The following ADCYAP1R1 variants were observed in gnomAD, a reference collection of about 807,000 sequenced individuals.
The protein encoded by ADCYAP1R1 is ADCYAP receptor type I.
ADCYAP1R1 carries 44 observed loss-of-function variants against 67.6 expected under a neutral mutation model. The ratio of observed to expected loss-of-function variants is 0.65; its 90% CI spans 0.51 to 0.84. The LOEUF is 0.84. Ranked by LOEUF, ADCYAP1R1 falls within the 40% of genes least tolerant of loss-of-function variation. The pLI, the probability that ADCYAP1R1 is intolerant of heterozygous loss-of-function variation, is 0.00. For synonymous variants in ADCYAP1R1, 222 were observed against 219.6 expected, an observed-to-expected ratio of 1.01 and a Z score of -0.10; for missense variants, 477 against 587.9, an observed-to-expected ratio of 0.81 and a Z score of 1.95.
At position 31,095,624 on chromosome 7, in the gene ADCYAP1R1, A is replaced by T. The variant is rs1490269992; in HGVS notation, c.1046+2889A>T. ...GTGTGGGGCCAAGAAGCCCCTTCAG[A>T]TCTGCCCACAACAGCTCTCCGGTTT... On this transcript the variant is annotated intron_variant, in intron 13 of 15. Transcript: ENST00000304166. 7.0e-6 allele frequency: 5 copies of T among 717,186 alleles called. No homozygotes were observed. The Admixed American group carries it at 1.0e-4, about 14-fold the overall frequency. 44.4% of individuals were successfully genotyped at this position (717,186 alleles called of 1,614,324 possible). A position where few individuals can be genotyped will look rare whatever the true frequency, so the allele number is the denominator to read the frequency against.
At chr7:31,058,264 G>A (rs1191017291) in intron 1 of ADCYAP1R1, among the ~76,000 whole-genome samples, 2 of 152,178 alleles carry the variant, frequency 1.3e-5, no homozygotes, top group African/African-American at 2.4e-5. Context: ...CCCTCTGCAC[G>A]GAGATGTGGA....
chr7:31,106,475 C>T (rs375082223), intron 15 of ADCYAP1R1, 21 bp from the exon 16 acceptor site: 98 of 1,584,276 alleles, frequency 6.2e-5, no homozygotes, highest in African/African-American at 4.0e-4. Context: ...TGGAAGTGAC[C>T]GCCCAGTTTG....
At position 31,106,573 on chromosome 7, in the gene ADCYAP1R1, C is replaced by T; in HGVS notation, c.1296C>T (p.His432=). Residue 432 remains histidine, a synonymous_variant, in exon 16 of 16, where the codon CAC becomes CAT. Transcript: ENST00000304166. ...TCGCTGTGGACTTCAAGCACCGACACCCGTCTCTGGCCAGCAGTGGGGTGA... is the reference window on the plus strand; with the variant it reads ...TCGCTGTGGACTTCAAGCACCGACATCCGTCTCTGGCCAGCAGTGGGGTGA... ...RYFAVDFKHR[H]PSLASSGVNG... 1 of 1,614,084 alleles carries T rather than the reference C, an allele frequency of 6.2e-7. No homozygotes were observed. Among genetic ancestry groups the T allele is most frequent in the South Asian group, 1.1e-5 (1 of 91,080 alleles).
rs1794657459 is a variant in ADCYAP1R1, at chr7:31,064,708, G to A, written c.52-123G>A. 8 of 743,440 alleles carry A rather than the reference G, an allele frequency of 1.1e-5. No individual in the cohort carries two copies. In the South Asian group the frequency reaches 1.3e-4, roughly 12 times the overall value. 46.1% of individuals were successfully genotyped at this position (743,440 alleles called of 1,614,324 possible). Reference sequence around the variant, plus strand: ...GCCCCTGCTGGCCCTGACATCTCTTGTCACCCTCCTCTCTGCTTCTGCTCC... The same window carrying A: ...GCCCCTGCTGGCCCTGACATCTCTTATCACCCTCCTCTCTGCTTCTGCTCC... On this transcript the variant is annotated intron_variant, in intron 2 of 15. Coordinates refer to ENST00000304166, the MANE Select transcript of ADCYAP1R1 (RefSeq NM_001118.5).
At chr7:31,100,250 A>AG (rs1796384548) in intron 13 of ADCYAP1R1, 1 of 1,540,334 alleles carries the variant, frequency 6.5e-7, no homozygotes, top group Non-Finnish European at 8.8e-7. Flanking sequence ...GGAATCCTGG[A>AG]GGGGTGGGGG....
chr7:31,073,624 G>C (rs1795080683), intron 3 of ADCYAP1R1, among the ~76,000 whole-genome samples: 1 of 152,206 alleles, frequency 6.6e-6, no homozygotes, highest in Admixed American at 6.5e-5. Context: ...GCTGAGGCCA[G>C]AGCAATTTCC....
intron 7 of ADCYAP1R1, 73 bp from the exon 8 acceptor site, chr7:31,084,664 G>C: frequency 1.6e-6 from 2 of 1,265,756 alleles, no homozygotes; most frequent in Non-Finnish European, 1.2e-6. Flanking sequence ...TGGGAGACTG[G>C]GTGCAGGCCT....
chr7:31,055,372 G>A (rs1794196742), intron 1 of ADCYAP1R1, among the ~76,000 whole-genome samples: 1 of 151,772 alleles, frequency 6.6e-6, no homozygotes, highest in South Asian at 2.1e-4. Flanking sequence ...CGCGCGTGTT[G>A]CATAAGCCTA....
chr7:31,083,015 C>T (rs2267730), intron 6 of ADCYAP1R1, among the ~76,000 whole-genome samples: 72,130 of 152,200 alleles, frequency 0.47, 17,269 homozygotes, highest in East Asian at 0.5. Flanking sequence ...TTGCCTCTTT[C>T]CTGAGCTCCC....
intron 1 of ADCYAP1R1, among the ~76,000 whole-genome samples, chr7:31,056,018 C>T (rs1339936991): frequency 6.6e-6 from 1 of 152,244 alleles, no homozygotes; most frequent in African/African-American, 2.4e-5. Context: ...CCTGAGCCCC[C>T]TTCACCATTC....
At position 31,106,777 on chromosome 7, in the gene ADCYAP1R1, T is replaced by A; in HGVS notation, c.*93T>A. On this transcript the variant is annotated 3_prime_UTR_variant, in exon 16 of 16. Coordinates refer to ENST00000304166, the MANE Select transcript of ADCYAP1R1 (RefSeq NM_001118.5). ...CATGTTTGCGCCTCTTCCCTCCCCTTGGGCAGGCCCTGGGCTGGAAGCTTG... is the reference window on the plus strand; with the variant it reads ...CATGTTTGCGCCTCTTCCCTCCCCTAGGGCAGGCCCTGGGCTGGAAGCTTG... The A allele has an allele frequency of 7.1e-7, 1 of 1,401,202 alleles. No individual in the cohort carries two copies. Among genetic ancestry groups the A allele is most frequent in the Non-Finnish European group, 9.5e-7 (1 of 1,055,102 alleles). 86.8% of individuals were successfully genotyped at this position (1,401,202 alleles called of 1,614,324 possible).
At chr7:31,104,242 A>C (rs968096138) in intron 14 of ADCYAP1R1, among the ~76,000 whole-genome samples, 3 of 152,040 alleles carry the variant, frequency 2.0e-5, no homozygotes, top group African/African-American at 7.2e-5. Flanking sequence ...TTGAGCTATC[A>C]TTCTTCCAAC....
Position 31,105,873 on chromosome 7 carries a change from C to T in ADCYAP1R1, c.1219-623C>T, listed in dbSNP as rs572361652. On this transcript the variant is annotated intron_variant, in intron 15 of 15. Coordinates refer to ENST00000304166, the MANE Select transcript of ADCYAP1R1 (RefSeq NM_001118.5). The stretch of plus-strand genomic sequence containing the variant: ...CCAGTTGTGCAGTCTGTGCACTGCA[C>T]GAAGGTGCTTGACTGAGAAGGCACA... Among the ~76,000 whole-genome samples, 8 of 152,144 alleles carry T rather than the reference C, an allele frequency of 5.3e-5. No individual in the cohort carries two copies. The East Asian group carries it at 7.7e-4, about 15-fold the overall frequency.
At chr7:31,078,606 G>T (rs903210087) in intron 4 of ADCYAP1R1, among the ~76,000 whole-genome samples, 1 of 152,224 alleles carries the variant, frequency 6.6e-6, no homozygotes, top group Non-Finnish European at 1.5e-5. Flanking sequence ...AATGAGACGC[G>T]TGGGGAAGGC....
intron 13 of ADCYAP1R1, among the ~76,000 whole-genome samples, chr7:31,099,282 AGTCCAGCCCAACACT>A (rs1416024494): frequency 6.6e-6 from 1 of 152,210 alleles, no homozygotes; most frequent in Non-Finnish European, 1.5e-5. Flanking sequence ...TGTATCAAGA[AGTCCAGCCCAACACT>A]GTCCCCTACA....
At chr7:31,056,665 C>T (rs1000934094) in intron 1 of ADCYAP1R1, among the ~76,000 whole-genome samples, 1 of 152,168 alleles carries the variant, frequency 6.6e-6, no homozygotes, top group African/African-American at 2.4e-5. Flanking sequence ...CGGGAAAGGG[C>T]CTCAGGGTAC....
chr7:31,092,621 C>CTTTT, intron 12 of ADCYAP1R1, 23 bp from the exon 13 acceptor site: 1 of 1,379,028 alleles, frequency 7.3e-7, no homozygotes, highest in Non-Finnish European at 1.0e-6. Context: ...TGTCCATCTG[C>CTTTT]TTTTTTTTTT....
rs557891889 is a variant in ADCYAP1R1 at position 31,097,550 on chromosome 7, G to C, written c.1046+4815G>C. On this transcript the variant is annotated intron_variant, in intron 13 of 15. Transcript: ENST00000304166. ...CCAGTCCTCCCCCAAGCTGCTCCTT[G>C]ATCTGCCCTCCCTGACCCCCATCAG... 2.0e-5 allele frequency among the ~76,000 whole-genome samples: 3 copies of C among 152,206 alleles called. No individual in the cohort carries two copies. The East Asian group carries it at 5.8e-4, about 29-fold the overall frequency.
intron 3 of ADCYAP1R1, among the ~76,000 whole-genome samples, chr7:31,073,988 G>A (rs1280872854): frequency 6.6e-6 from 1 of 152,184 alleles, no homozygotes; most frequent in Non-Finnish European, 1.5e-5. Context: ...CATCCTGAGA[G>A]CTCCCAGGCC....
Sources: gnomAD v4.1 joint callset for allele counts (sites outside exome capture counted in the v4.1 genomes callset) on GRCh38, gnomAD v4.1.1 for gene constraint, MANE v1.5 for transcripts, NCBI Gene and HGNC (gene_info 2026-07-23, HGNC 2026-07-21) for gene names.